PCDH7: variants seen among roughly 807,000 people sequenced by gnomAD.
PCDH7 encodes the protein protocadherin-7.
In PCDH7, 17 loss-of-function variants were observed where a neutral mutation model predicts 58.9. The observed-to-expected ratio is 0.29, with a 90% CI of 0.20 to 0.43. The LOEUF is 0.43. PCDH7 is among the 20% of genes least tolerant of loss of function. The pLI, the probability that PCDH7 is intolerant of heterozygous loss-of-function variation, is 1.00. For synonymous variants in PCDH7, 664 were observed against 616.4 expected, an observed-to-expected ratio of 1.08 and a Z score of -1.14; for missense variants, 1,274 against 1,441.0, an observed-to-expected ratio of 0.88 and a Z score of 1.88.
At chr4:31,013,415 C>T (rs576560809) in intron 3 of PCDH7, among the ~76,000 whole-genome samples, 96 of 149,700 alleles carry the variant, frequency 6.4e-4, no homozygotes, top group Non-Finnish European at 1.2e-3. Flanking sequence ...ATTATATACA[C>T]GTATATATAT....
At chr4:30,915,275 A>G (rs1742295189) in intron 1 of PCDH7, among the ~76,000 whole-genome samples, 1 of 151,924 alleles carries the variant, frequency 6.6e-6, no homozygotes, top group African/African-American at 2.4e-5. Context: ...CACTTTCTCT[A>G]TTTCTCCATT....
At chr4:31,007,500 T>C (rs190946833) in intron 3 of PCDH7, among the ~76,000 whole-genome samples, 1 of 151,984 alleles carries the variant, frequency 6.6e-6, no homozygotes, top group Non-Finnish European at 1.5e-5. Context: ...TAGTATAAAA[T>C]AACTTATGTC....
chr4:30,932,378 C>T (rs1445252339), intron 2 of PCDH7, among the ~76,000 whole-genome samples: 1 of 152,158 alleles, frequency 6.6e-6, no homozygotes, highest in Non-Finnish European at 1.5e-5. Flanking sequence ...GAAGATATCA[C>T]TTTTAATGTT....
chr4:31,032,668 A>AGGGAGGGAGGG (rs1755042581), intron 3 of PCDH7, among the ~76,000 whole-genome samples: 2 of 71,174 alleles, frequency 2.8e-5, no homozygotes, highest in Non-Finnish European at 2.9e-5. Flanking sequence ...GGAAGGAAGG[A>AGGGAGGGAGGG]AGGGAGGGAG....
intron 1 of PCDH7, chr4:30,725,308 A>G: frequency 1.0e-6 from 1 of 991,930 alleles, no homozygotes; most frequent in Non-Finnish European, 1.2e-6. Context: ...AAGTTTGCAA[A>G]CAAAAATACA....
At chr4:30,900,959 A>C (rs1367419132) in intron 1 of PCDH7, among the ~76,000 whole-genome samples, 1 of 152,210 alleles carries the variant, frequency 6.6e-6, no homozygotes, top group Non-Finnish European at 1.5e-5. Context: ...AGATAACTCT[A>C]TGAAGATGAA....
chr4:30,908,888 T>C (rs1196115245), intron 1 of PCDH7, among the ~76,000 whole-genome samples: 1 of 152,108 alleles, frequency 6.6e-6, no homozygotes, highest in East Asian at 1.9e-4. Flanking sequence ...AAAAGAAAAT[T>C]TCAGGCCAAT....
rs1736477045 is a variant in PCDH7 at position 30,877,755 on chromosome 4, A to G, written c.71-42398A>G. Among the ~76,000 whole-genome samples, 3 of 152,174 alleles carry G rather than the reference A, an allele frequency of 2.0e-5. No individual in the cohort carries two copies. The South Asian group carries it at 6.2e-4, about 31-fold the overall frequency. ...TGGAAAATTTCATACATATAGCTTT[A>G]GGCAGAATTTTCTGTTCTTAGGTAA... On this transcript the variant is annotated intron_variant, in intron 1 of 3. Coordinates refer to the PCDH7 transcript ENST00000509759.
chr4:31,078,921 A>G (rs1759239146), intron 3 of PCDH7, among the ~76,000 whole-genome samples: 1 of 151,998 alleles, frequency 6.6e-6, no homozygotes, highest in African/African-American at 2.4e-5. Flanking sequence ...GTCCACATAT[A>G]TGTGGATAAT....
intron 1 of PCDH7, among the ~76,000 whole-genome samples, chr4:30,861,856 ACCTTGTTAG>A (rs1436359413): frequency 6.6e-6 from 1 of 152,116 alleles, no homozygotes; most frequent in African/African-American, 2.4e-5. Context: ...GAAGTAGAGC[ACCTTGTTAG>A]CCTTTTATTT....
intron 1 of PCDH7, among the ~76,000 whole-genome samples, chr4:30,851,028 C>A (rs1732666384): frequency 6.6e-6 from 1 of 151,906 alleles, no homozygotes; most frequent in South Asian, 2.1e-4. Flanking sequence ...TCTGGAAATT[C>A]TTTGTAAAAT....
chr4:31,040,276 C>G (rs555305385), intron 3 of PCDH7, among the ~76,000 whole-genome samples: 70 of 152,238 alleles, frequency 4.6e-4, no homozygotes, highest in African/African-American at 1.3e-3. Flanking sequence ...CCCACTCTTC[C>G]CTGACTCATC....
At chr4:30,817,787 C>T (rs557216084) in intron 1 of PCDH7, among the ~76,000 whole-genome samples, 6 of 152,144 alleles carry the variant, frequency 3.9e-5, no homozygotes, top group African/African-American at 1.2e-4. Flanking sequence ...CTAAAAGACT[C>T]CAAATTGGTC....
downstream of PCDH7, chr4:30,733,110 C>T (rs1715753842): frequency 6.6e-6 from 1 of 152,290 alleles, no homozygotes; most frequent in African/African-American, 2.4e-5. Context: ...AGTGAGTCTC[C>T]TTTGTAATTA....
chr4:31,089,893 G>A (rs566758780), intron 3 of PCDH7, among the ~76,000 whole-genome samples: 125 of 152,182 alleles, frequency 8.2e-4, no homozygotes, highest in African/African-American at 2.7e-3. Context: ...CATTTCCGTC[G>A]AGTACATTTG....
At chr4:30,968,172 C>A (rs1749157446) in intron 3 of PCDH7, among the ~76,000 whole-genome samples, 2 of 151,038 alleles carry the variant, frequency 1.3e-5, no homozygotes. Flanking sequence ...AGACACTGTT[C>A]CAAGTACTGT....
chr4:30,852,403 C>T (rs1210075924), intron 1 of PCDH7, among the ~76,000 whole-genome samples: 1 of 152,030 alleles, frequency 6.6e-6, no homozygotes, highest in Non-Finnish European at 1.5e-5. Context: ...GATAGTATCC[C>T]AGGCAATTAA....
intron 1 of PCDH7, among the ~76,000 whole-genome samples, chr4:30,770,628 A>G (rs963562607): frequency 6.6e-6 from 1 of 152,192 alleles, no homozygotes; most frequent in Non-Finnish European, 1.5e-5. Flanking sequence ...TAGAAGTTAT[A>G]ATTAAAGTTA....
intron 3 of PCDH7, among the ~76,000 whole-genome samples, chr4:30,959,112 T>A (rs1480690947): frequency 6.6e-6 from 1 of 152,122 alleles, no homozygotes; most frequent in African/African-American, 2.4e-5. Context: ...ATTCAAGCGT[T>A]CCAGGGACGC....
Sources: allele counts gnomAD v4.1 joint callset (sites outside exome capture counted in the v4.1 genomes callset), GRCh38; gene constraint gnomAD v4.1.1; transcripts MANE v1.5; gene names NCBI Gene and HGNC (gene_info 2026-07-23, HGNC 2026-07-21).